SAMMSON: variants seen among roughly 807,000 people sequenced by gnomAD.
The protein encoded by SAMMSON is survival associated mitochondrial melanoma specific oncogenic non-coding RNA, also known as long intergenic non-protein coding RNA 1212.
intron 4 of SAMMSON, among the ~76,000 whole-genome samples, chr3:70,104,975 G>T (rs970471813): frequency 6.6e-6 from 1 of 151,968 alleles, no homozygotes; most frequent in Non-Finnish European, 1.5e-5. Flanking sequence ...GTGTGAATTT[G>T]GGGGGAAAGC....
intron 7 of SAMMSON, among the ~76,000 whole-genome samples, chr3:70,292,874 A>G (rs898939905): frequency 1.3e-5 from 2 of 152,020 alleles, no homozygotes; most frequent in Non-Finnish European, 2.9e-5. Flanking sequence ...TAGAAATACT[A>G]TATAATGAAC....
In SAMMSON at chr3:70,336,675, C is replaced by T. The variant is rs370948672; in HGVS notation, n.740-17500C>T. On this transcript the variant is annotated intron_variant and non_coding_transcript_variant, in intron 7 of 9. Transcript: ENST00000642114. ...CAGCAGTTTGATGTCTGAGATGGAC[C>T]TTGGTAGAATAATTCAGTAGTTGAA... 3.4e-4 allele frequency among the ~76,000 whole-genome samples: 52 copies of T among 151,972 alleles called. No individual in the cohort carries two copies. The East Asian group carries it at 6.0e-3, about 18-fold the overall frequency.
chr3:70,341,929 G>C (rs989115793), intron 7 of SAMMSON, among the ~76,000 whole-genome samples: 1 of 152,264 alleles, frequency 6.6e-6, no homozygotes, highest in East Asian at 1.9e-4. Context: ...CCTGTTGATA[G>C]ATATCCCTGG....
At position 70,082,191 on chromosome 3, in the gene SAMMSON, G is replaced by A. The variant is rs902801012; in HGVS notation, n.507+10626G>A. 3.3e-5 allele frequency among the ~76,000 whole-genome samples: 5 copies of A among 152,180 alleles called. No individual in the cohort carries two copies. In the East Asian group the frequency reaches 5.8e-4, roughly 18 times the overall value. ...TGGAGATCATGGAGTGAACAAGGGCGGTGGGTATTAGGAGACCCACTCTGG... is the reference window on the plus strand; with the variant it reads ...TGGAGATCATGGAGTGAACAAGGGCAGTGGGTATTAGGAGACCCACTCTGG... On this transcript the variant is annotated intron_variant and non_coding_transcript_variant, in intron 4 of 9. Coordinates refer to ENST00000642114, the Ensembl canonical transcript of SAMMSON.
chr3:70,193,581 C>T (rs1701147940), intron 4 of SAMMSON, among the ~76,000 whole-genome samples: 1 of 152,154 alleles, frequency 6.6e-6, no homozygotes, highest in Non-Finnish European at 1.5e-5. Flanking sequence ...TGCCTTTCTA[C>T]ACAGCTCACC....
At chr3:70,271,654 A>C (rs1303694841) in intron 6 of SAMMSON, 1 of 152,224 alleles carries the variant, frequency 6.6e-6, no homozygotes. Context: ...TCATCTAAGA[A>C]GGTCTCTGGA....
chr3:70,398,351 A>G (rs1307219050), intron 2 of SAMMSON, among the ~76,000 whole-genome samples: 4 of 152,188 alleles, frequency 2.6e-5, no homozygotes, highest in African/African-American at 2.4e-5. Context: ...ATGGATTCAA[A>G]ATAATTTTGT....
At chr3:70,371,778 A>G (rs924196363) in intron 9 of SAMMSON, among the ~76,000 whole-genome samples, 2 of 152,128 alleles carry the variant, frequency 1.3e-5, no homozygotes, top group African/African-American at 4.8e-5. Context: ...GTCATCTGCA[A>G]AGAGGGACAT....
At position 70,026,679 on chromosome 3, in the gene SAMMSON, CT is replaced by C. The variant is rs539297060; in HGVS notation, n.417+13010del. Among the ~76,000 whole-genome samples the C allele has an allele frequency of 1.4e-4, 21 of 152,272 alleles. No individual in the cohort carries two copies. The South Asian group carries it at 3.1e-3, about 23-fold the overall frequency. ...AGATGCTGATGGAAGCTCCAAGTCT[CT>C]TTAGAGATTCATGTTGATGATCACG... On this transcript the variant is annotated intron_variant and non_coding_transcript_variant, in intron 3 of 9. Coordinates refer to ENST00000642114, the Ensembl canonical transcript of SAMMSON.
At chr3:70,363,834 CAGAG>C (rs143548030) in intron 9 of SAMMSON, among the ~76,000 whole-genome samples, 28,464 of 149,368 alleles carry the variant, frequency 0.19, 2,875 homozygotes, top group Middle Eastern at 0.26. Context: ...GTGTGCATGA[CAGAG>C]AGAGAGTGTG....
At chr3:70,053,493 T>A (rs892573824) in intron 3 of SAMMSON, among the ~76,000 whole-genome samples, 1 of 152,150 alleles carries the variant, frequency 6.6e-6, no homozygotes, top group Non-Finnish European at 1.5e-5. Context: ...AGGTCTCAGA[T>A]GGGTGACTCA....
chr3:70,082,968 C>T (rs571009818), intron 4 of SAMMSON, among the ~76,000 whole-genome samples: 1 of 152,130 alleles, frequency 6.6e-6, no homozygotes, highest in Non-Finnish European at 1.5e-5. Flanking sequence ...GATTCAAATC[C>T]AGACAGCCTG....
intron 4 of SAMMSON, among the ~76,000 whole-genome samples, chr3:70,131,550 A>G (rs554720451): frequency 1.3e-5 from 2 of 152,280 alleles, no homozygotes; most frequent in South Asian, 4.2e-4. Flanking sequence ...CCAATCATGA[A>G]CAGGAAGAAC....
At chr3:70,329,680 A>G (rs1702606715) in intron 7 of SAMMSON, among the ~76,000 whole-genome samples, 2 of 152,140 alleles carry the variant, frequency 1.3e-5, no homozygotes, top group Admixed American at 6.5e-5. Context: ...ATTTCATGAA[A>G]TTCATTTGTA....
intron 4 of SAMMSON, among the ~76,000 whole-genome samples, chr3:70,089,073 T>C (rs2067296513): frequency 6.6e-6 from 1 of 152,156 alleles, no homozygotes; most frequent in African/African-American, 2.4e-5. Context: ...ATGTTTCCTC[T>C]GCACTAAAAT....
chr3:70,012,425 A>G (rs2066961469), exon 2 of SAMMSON: 1 of 151,878 alleles, frequency 6.6e-6, no homozygotes, highest in African/African-American at 2.4e-5. Context: ...GAGTCAAAGG[A>G]AGACTTGAAG....
chr3:70,066,791 G>A (rs1387216282), intron 3 of SAMMSON, among the ~76,000 whole-genome samples: 12 of 152,114 alleles, frequency 7.9e-5, no homozygotes, highest in African/African-American at 2.6e-4. Context: ...AGGTAGGGGC[G>A]GCTTTACCTT....
At chr3:70,178,436 C>T (rs1159116767) in intron 4 of SAMMSON, among the ~76,000 whole-genome samples, 1 of 152,148 alleles carries the variant, frequency 6.6e-6, no homozygotes, top group Non-Finnish European at 1.5e-5. Context: ...TATAGCAAGC[C>T]TCATAATTTC....
intron 3 of SAMMSON, among the ~76,000 whole-genome samples, chr3:70,018,000 G>A (rs2066993469): frequency 6.6e-6 from 1 of 152,064 alleles, no homozygotes; most frequent in South Asian, 2.1e-4. Context: ...ATTTTATTGA[G>A]GATTTTTGCA....
Sources: gnomAD v4.1 joint callset for allele counts (sites outside exome capture counted in the v4.1 genomes callset) on GRCh38, gnomAD v4.1.1 for gene constraint, MANE v1.5 for transcripts, NCBI Gene and HGNC (gene_info 2026-07-23, HGNC 2026-07-21) for gene names.